AGBL4: variants seen among roughly 807,000 people sequenced by gnomAD.
AGBL4 encodes cytosolic carboxypeptidase 6.
In AGBL4, 58 loss-of-function variants were observed where a neutral mutation model predicts 66.4. That is an observed-to-expected ratio of 0.87 (90% CI 0.71 to 1.09). The LOEUF is 1.09. AGBL4 is among the 50% of genes least tolerant of loss of function. AGBL4 has a pLI of 0.00. For missense variants in AGBL4, 579 were observed against 631.0 expected, an observed-to-expected ratio of 0.92 and a Z score of 0.88; for synonymous variants, 234 against 222.9, an observed-to-expected ratio of 1.05 and a Z score of -0.44.
At chr1:49,209,842 G>A (rs957780387) in intron 4 of AGBL4, among the ~76,000 whole-genome samples, 6 of 152,012 alleles carry the variant, frequency 3.9e-5, no homozygotes, top group African/African-American at 1.4e-4. Context: ...TAGATGTGAA[G>A]GGGACAAATT....
chr1:49,433,236 C>A (rs1645825688), intron 3 of AGBL4, among the ~76,000 whole-genome samples: 1 of 152,126 alleles, frequency 6.6e-6, no homozygotes, highest in Non-Finnish European at 1.5e-5. Flanking sequence ...AAGAGAGGGT[C>A]ATCATGGGAA....
intron 3 of AGBL4, among the ~76,000 whole-genome samples, chr1:49,310,682 CT>C (rs1644927338): frequency 6.6e-6 from 1 of 151,930 alleles, no homozygotes; most frequent in Non-Finnish European, 1.5e-5. Context: ...TAGGGTGATT[CT>C]GCAACATACA....
intron 3 of AGBL4, among the ~76,000 whole-genome samples, chr1:49,435,310 A>T (rs1645879844): frequency 6.6e-6 from 1 of 152,192 alleles, no homozygotes; most frequent in African/African-American, 2.4e-5. Flanking sequence ...GGAGCATAAA[A>T]ATAATTTCCT....
intron 3 of AGBL4, among the ~76,000 whole-genome samples, chr1:49,331,233 T>C (rs902451275): frequency 1.3e-5 from 2 of 149,668 alleles, no homozygotes; most frequent in Non-Finnish European, 3.0e-5. Flanking sequence ...AGGCGGGAGG[T>C]CTGCACATAC....
At chr1:49,947,580 C>T (rs1050232716) in intron 1 of AGBL4, among the ~76,000 whole-genome samples, 2 of 151,628 alleles carry the variant, frequency 1.3e-5, no homozygotes, top group African/African-American at 2.4e-5. Context: ...AATCCACAGC[C>T]AACATTATAC....
chr1:49,097,475 T>TA lies in AGBL4; in HGVS notation c.378-51676dup, dbSNP rs562747195. ...TTATGTTTGTCTAATATACTTAATT[T>TA]AAAAAAACCAGTGTTCTGATTCACT... On this transcript the variant is annotated intron_variant, in intron 4 of 13. Transcript: ENST00000371839. Among the ~76,000 whole-genome samples, 53 of 152,282 alleles carry TA rather than the reference T, an allele frequency of 3.5e-4. 1 individual carries two copies. The South Asian group carries it at 9.3e-3, about 27-fold the overall frequency.
chr1:48,901,960 C>A (rs145338768), intron 5 of AGBL4, among the ~76,000 whole-genome samples: 2 of 152,208 alleles, frequency 1.3e-5, no homozygotes, highest in East Asian at 3.9e-4. Flanking sequence ...ACAATCATGG[C>A]GGAAGGTGAA....
intron 1 of AGBL4, among the ~76,000 whole-genome samples, chr1:49,904,269 A>G (rs1650053668): frequency 6.6e-6 from 1 of 152,160 alleles, no homozygotes. Context: ...TTGGCCACCA[A>G]CATCCTATAC....
At chr1:49,929,443 GT>G (rs771767785) in intron 1 of AGBL4, among the ~76,000 whole-genome samples, 77 of 151,936 alleles carry the variant, frequency 5.1e-4, no homozygotes, top group Non-Finnish European at 7.9e-4. Flanking sequence ...CATTTTTAAA[GT>G]AGTGAAAGAA....
intron 3 of AGBL4, among the ~76,000 whole-genome samples, chr1:49,475,874 C>G (rs968204260): frequency 6.6e-6 from 1 of 152,050 alleles, no homozygotes; most frequent in South Asian, 2.1e-4. Flanking sequence ...TTTCAAAGAA[C>G]CAACTTTGTA....
At chr1:48,544,013 C>G (rs971670624) in intron 11 of AGBL4, among the ~76,000 whole-genome samples, 1 of 152,192 alleles carries the variant, frequency 6.6e-6, no homozygotes, top group African/African-American at 2.4e-5. Context: ...GATTTGAAGG[C>G]ACCTTTTCTG....
chr1:48,806,979 A>T (rs549493695), intron 6 of AGBL4, among the ~76,000 whole-genome samples: 2 of 152,196 alleles, frequency 1.3e-5, no homozygotes, highest in East Asian at 1.9e-4. Flanking sequence ...TATGCTTGTG[A>T]ATGAGCATCT....
At chr1:49,293,387 A>G (rs1644581059) in intron 3 of AGBL4, among the ~76,000 whole-genome samples, 1 of 152,184 alleles carries the variant, frequency 6.6e-6, no homozygotes, top group African/African-American at 2.4e-5. Flanking sequence ...CCTGAGCAAA[A>G]CTCAGGCAAA....
At chr1:49,839,067 T>G (rs1209049479) in intron 2 of AGBL4, among the ~76,000 whole-genome samples, 1 of 152,212 alleles carries the variant, frequency 6.6e-6, no homozygotes, top group Non-Finnish European at 1.5e-5. Flanking sequence ...GTTTAGCTGT[T>G]ACTATAGAAA....
intron 1 of AGBL4, among the ~76,000 whole-genome samples, chr1:49,915,983 T>C (rs1231146021): frequency 6.6e-6 from 1 of 151,940 alleles, no homozygotes; most frequent in Non-Finnish European, 1.5e-5. Flanking sequence ...GGGTCTGGAG[T>C]GGACCTCCAG....
intron 3 of AGBL4, among the ~76,000 whole-genome samples, chr1:49,541,677 C>T (rs12117821): frequency 0.12 from 18,537 of 152,164 alleles, 1,771 homozygotes; most frequent in African/African-American, 0.26. Context: ...TGCTCCACAG[C>T]GCCTGGTCCA....
rs1032468614 is a variant in AGBL4, at chr1:49,542,433, G to A, written c.282+154880C>T. Among the ~76,000 whole-genome samples, 9 of 152,050 alleles carry A rather than the reference G, an allele frequency of 5.9e-5. No individual in the cohort carries two copies. In the South Asian group the frequency reaches 8.3e-4, roughly 14 times the overall value. ...GAAGGAAGAAACTCTCAACACATCCGAACATCAGAAGGAACAAACTCCGGA... is the reference window on the plus strand; with the variant it reads ...GAAGGAAGAAACTCTCAACACATCCAAACATCAGAAGGAACAAACTCCGGA... On this transcript the variant is annotated intron_variant, in intron 3 of 13. Coordinates refer to ENST00000371839, the MANE Select transcript of AGBL4 (RefSeq NM_032785.4).
At chr1:49,939,343 A>G (rs1475144019) in intron 1 of AGBL4, among the ~76,000 whole-genome samples, 2 of 152,126 alleles carry the variant, frequency 1.3e-5, no homozygotes, top group Non-Finnish European at 2.9e-5. Flanking sequence ...ACAGAATTGG[A>G]AAAAACTACT....
chr1:49,675,622 C>G (rs143277416), intron 3 of AGBL4, among the ~76,000 whole-genome samples: 2 of 152,150 alleles, frequency 1.3e-5, no homozygotes, highest in Admixed American at 1.3e-4. Flanking sequence ...CCCCATGAGT[C>G]TATACCTTAC....
Sources: allele counts gnomAD v4.1 joint callset (sites outside exome capture counted in the v4.1 genomes callset), GRCh38; gene constraint gnomAD v4.1.1; transcripts MANE v1.5; gene names NCBI Gene and HGNC (gene_info 2026-07-23, HGNC 2026-07-21).